Variants in SULT4A1 observed in about 807,000 individuals in gnomAD.
The protein encoded by SULT4A1 is sulfotransferase 4A1.
SULT4A1 carries 11 observed loss-of-function variants against 35.2 expected under a neutral mutation model. The observed-to-expected ratio is 0.31, with a 90% CI of 0.20 to 0.52. SULT4A1 has a LOEUF of 0.52. SULT4A1 is among the 20% of genes least tolerant of loss of function. The pLI, the probability that SULT4A1 is intolerant of heterozygous loss-of-function variation, is 0.97. For synonymous variants in SULT4A1, 152 were observed against 151.8 expected (o/e 1.00, Z -0.01); for missense variants, 271 against 383.7 (o/e 0.71, Z 2.45).
chr22:43,827,429 G>A lies in SULT4A1; in HGVS notation c.743-1316C>T, dbSNP rs1379516365. 5.9e-6 allele frequency: 7 copies of A among 1,194,614 alleles called. No homozygotes were observed. In the East Asian group the frequency reaches 1.8e-4, roughly 31 times the overall value. The allele number at this position is 1,194,614 out of a possible 1,614,324, so 74.0% of individuals were successfully genotyped here. A position where few individuals can be genotyped will look rare whatever the true frequency, so the allele number is the denominator to read the frequency against. On this transcript the variant is annotated intron_variant, in intron 6 of 6. Coordinates refer to ENST00000330884, the MANE Select transcript of SULT4A1 (RefSeq NM_014351.4). ...TAATGATACCTAAGGGGCAAAATTA[G>A]AAGCTGCTAGAGCAACCAAACTATT...
chr22:43,827,575 C>A (rs377437162), intron 6 of SULT4A1: 2 of 1,366,206 alleles, frequency 1.5e-6, no homozygotes, highest in Non-Finnish European at 2.0e-6. Flanking sequence ...CTAAGCAATG[C>A]AGCTGGCTAC....
intron 5 of SULT4A1, among the ~76,000 whole-genome samples, chr22:43,831,331 G>A (rs910208555): frequency 1.8e-5 from 2 of 113,912 alleles, no homozygotes; most frequent in Non-Finnish European, 4.1e-5. Context: ...CCAGCTGGGC[G>A]CTTTCCCTAT....
rs368066021 is a variant in SULT4A1, at chr22:43,837,314, A to G, written c.508+1553T>C. On this transcript the variant is annotated intron_variant, in intron 4 of 6. Coordinates refer to ENST00000330884, the MANE Select transcript of SULT4A1 (RefSeq NM_014351.4). ...TGACTGTGGTGACATGGAGAGGCCT[A>G]TATTAAGAGAACTGTTAACTGCTCT... 2.6e-4 allele frequency among the ~76,000 whole-genome samples: 40 copies of G among 152,198 alleles called. 1 individual carries two copies. The highest frequency in any genetic ancestry group is 9.7e-4 in the African/African-American group (40 of 41,446).
At chr22:43,848,236 G>T (rs2063488739) in intron 1 of SULT4A1, among the ~76,000 whole-genome samples, 1 of 152,298 alleles carries the variant, frequency 6.6e-6, no homozygotes, top group Middle Eastern at 3.4e-3. Flanking sequence ...AGCTGCTGGG[G>T]TCAAAGGAGA....
chr22:43,849,999 G>A (rs1306122937), intron 1 of SULT4A1, among the ~76,000 whole-genome samples: 1 of 152,188 alleles, frequency 6.6e-6, no homozygotes, highest in Non-Finnish European at 1.5e-5. Flanking sequence ...AGGTTTGAGT[G>A]AGTGGAGTCC....
At chr22:43,834,390 CCACCGCTGCCCTGAGCTTCCCGCAGCCA>C (rs1569503099) in intron 4 of SULT4A1, among the ~76,000 whole-genome samples, 18 of 65,036 alleles carry the variant, frequency 2.8e-4, no homozygotes, top group African/African-American at 9.6e-4. Context: ...TCCCGCGCCC[CCACCGCTGCCCTGAGCTTCCCGCAGCCA>C]CACCGCGGCC....
intron 1 of SULT4A1, among the ~76,000 whole-genome samples, chr22:43,859,319 C>T (rs1603410470): frequency 6.6e-6 from 1 of 152,250 alleles, no homozygotes; most frequent in East Asian, 1.9e-4. Flanking sequence ...AGGTGGCTCA[C>T]CCACGCCCAG....
At chr22:43,830,084 G>C (rs1438335159) in intron 5 of SULT4A1, among the ~76,000 whole-genome samples, 1 of 152,254 alleles carries the variant, frequency 6.6e-6, no homozygotes, top group Admixed American at 6.5e-5. Context: ...TGCAGCAGCG[G>C]TTGCAGGTCT....
chr22:43,832,853 A>G (rs892612458), intron 5 of SULT4A1, among the ~76,000 whole-genome samples: 5 of 151,934 alleles, frequency 3.3e-5, no homozygotes, highest in African/African-American at 1.2e-4. Context: ...CCCAGCACCC[A>G]GCTCTCCTGT....
chr22:43,835,922 G>A (rs1420367454), intron 4 of SULT4A1, among the ~76,000 whole-genome samples: 1 of 152,260 alleles, frequency 6.6e-6, no homozygotes, highest in Non-Finnish European at 1.5e-5. Context: ...GCTGTAGGTT[G>A]CTGGGTGGAG....
intron 3 of SULT4A1, among the ~76,000 whole-genome samples, chr22:43,839,664 G>A (rs2063408659): frequency 6.6e-6 from 1 of 152,204 alleles, no homozygotes; most frequent in Non-Finnish European, 1.5e-5. Context: ...AAGAGAATTC[G>A]GCCCAAAGCA....
In SULT4A1 at chr22:43,824,762, C is replaced by T. The variant is rs2063275243; in HGVS notation, c.*1239G>A. The stretch of plus-strand genomic sequence containing the variant: ...TCTACACCCGTTTCAAATACAGCAC[C>T]AAGAACGGAGACCCCTTCCACAGCA... On this transcript the variant is annotated 3_prime_UTR_variant, in exon 7 of 7. Coordinates refer to ENST00000330884, the MANE Select transcript of SULT4A1 (RefSeq NM_014351.4). The T allele has an allele frequency of 6.6e-6, 1 of 152,234 alleles. No homozygotes were observed. Among genetic ancestry groups the T allele is most frequent in the Non-Finnish European group, 1.5e-5 (1 of 68,034 alleles). The allele number at this position is 152,234 out of a possible 1,614,324, so 9.4% of individuals were successfully genotyped here.
intron 1 of SULT4A1, among the ~76,000 whole-genome samples, chr22:43,856,009 C>T (rs891223259): frequency 6.6e-6 from 1 of 152,198 alleles, no homozygotes; most frequent in African/African-American, 2.4e-5. Flanking sequence ...TGTGACAGCA[C>T]AGAACCTCTG....
chr22:43,843,653 AG>A (rs757274544), intron 1 of SULT4A1, among the ~76,000 whole-genome samples: 24 of 152,324 alleles, frequency 1.6e-4, no homozygotes, highest in Non-Finnish European at 2.9e-4. Flanking sequence ...GGCTTTGAGG[AG>A]CTTCCAAAGA....
At chr22:43,844,248 G>C (rs1441596073) in intron 1 of SULT4A1, among the ~76,000 whole-genome samples, 1 of 152,242 alleles carries the variant, frequency 6.6e-6, no homozygotes, top group African/African-American at 2.4e-5. Flanking sequence ...GGCCTGGTCA[G>C]CATAACCTCC....
intron 5 of SULT4A1, among the ~76,000 whole-genome samples, chr22:43,830,276 G>A (rs2063316233): frequency 6.6e-6 from 1 of 152,218 alleles, no homozygotes; most frequent in African/African-American, 2.4e-5. Flanking sequence ...GAGAAAGAGT[G>A]AAGAAACCTG....
At chr22:43,829,350 A>C (rs1018765371) in intron 5 of SULT4A1, 152 bp from the exon 6 acceptor site, 16 of 919,376 alleles carry the variant, frequency 1.7e-5, no homozygotes, top group Admixed American at 1.0e-4. Context: ...TCCAGAAATA[A>C]CACTAAGAGG....
Position 43,829,126 on chromosome 22 carries a change from G to T in SULT4A1, c.676C>A (p.Leu226Met). 1.3e-6 allele frequency: 2 copies of T among 1,558,980 alleles called. No individual in the cohort carries two copies. Among genetic ancestry groups the T allele is most frequent in the East Asian group, 2.4e-5 (1 of 41,150 alleles). ...ACCAGCTGGTGGCAGTGCTCCGTCA[G>T]GGCTTCCAGCTGGGCCTTGTCACAG... Reference protein sequence around the residue: ...VSCDKAQLEALTEHCHQLVDQ... With the variant: ...VSCDKAQLEAMTEHCHQLVDQ... The change falls in exon 6 of 7, where the codon CTG becomes ATG. Residue 226 changes from leucine to methionine, a missense_variant. This residue lies in a region of SULT4A1 where 75 missense variants were observed against 67.7 expected (regional missense o/e 1.11). Transcript: ENST00000330884.
chr22:43,826,579 T>C, intron 6 of SULT4A1: 1 of 985,184 alleles, frequency 1.0e-6, no homozygotes, highest in Non-Finnish European at 1.2e-6. Context: ...CACTCACAGC[T>C]CAACAGTGCC....
Sources: allele counts gnomAD v4.1 joint callset (sites outside exome capture counted in the v4.1 genomes callset), GRCh38; gene constraint gnomAD v4.1.1; regional missense constraint gnomAD v4.1.1; transcripts MANE v1.5; gene names NCBI Gene and HGNC (gene_info 2026-07-23, HGNC 2026-07-21).